The following DOCK4 variants were observed in gnomAD, a reference collection of about 807,000 sequenced individuals.
The protein encoded by DOCK4 is dedicator of cytokinesis protein 4.
A neutral mutation model predicts 268.1 loss-of-function variants in DOCK4; 97 were observed. The ratio of observed to expected loss-of-function variants is 0.36; its 90% confidence interval spans 0.31 to 0.43. The LOEUF (loss-of-function observed/expected upper bound fraction) is 0.43. DOCK4 is among the 20% of genes least tolerant of loss of function. The pLI is 1.00. For missense variants in DOCK4, 2,145 were observed against 2,455.7 expected (o/e 0.87, Z 2.67); for synonymous variants, 954 against 887.2 (o/e 1.08, Z -1.34).
At position 112,109,744 on chromosome 7, in the gene DOCK4, CTTTTT is replaced by C. The variant is rs36043991; in HGVS notation, c.37+96353_37+96357del. 6.7e-4 allele frequency among the ~76,000 whole-genome samples: 77 copies of C among 115,184 alleles called. 1 individual carries two copies. Among genetic ancestry groups the C allele is most frequent in the African/African-American group, 2.5e-3 (72 of 28,902 alleles). 75.6% of individuals were successfully genotyped at this position (115,184 alleles called of 152,430 possible). A position where few individuals can be genotyped will look rare whatever the true frequency, so the allele number is the denominator to read the frequency against. ...TTTTTTTAAGCTGCAGTAAAATCAT[CTTTTT>C]TTTTTTTTTTTTTGAGACGGAGTCT... On this transcript the variant is annotated intron_variant, in intron 1 of 52. Transcript: ENST00000428084.
intron 27 of DOCK4, among the ~76,000 whole-genome samples, chr7:111,813,684 A>AG: frequency 6.6e-6 from 1 of 152,222 alleles, no homozygotes; most frequent in Non-Finnish European, 1.5e-5. Context: ...AATGGCAGAT[A>AG]TCATCAGTGC....
chr7:111,832,816 C>T (rs1361560327), intron 26 of DOCK4, among the ~76,000 whole-genome samples: 5 of 152,160 alleles, frequency 3.3e-5, no homozygotes, highest in African/African-American at 4.8e-5. Flanking sequence ...CACGGCGCCC[C>T]GCCAGCCTCA....
intron 27 of DOCK4, among the ~76,000 whole-genome samples, chr7:111,812,316 G>A (rs1692034190): frequency 6.6e-6 from 1 of 152,182 alleles, no homozygotes; most frequent in Non-Finnish European, 1.5e-5. Context: ...GTCTTGCTCT[G>A]TTGTCCAGGC....
chr7:111,995,404 ATTCT>A (rs1586598843), intron 4 of DOCK4, among the ~76,000 whole-genome samples: 2 of 131,218 alleles, frequency 1.5e-5, no homozygotes, highest in African/African-American at 5.8e-5. Flanking sequence ...CTTTTTTCAA[ATTCT>A]TTCTTTGTGT....
intron 1 of DOCK4, among the ~76,000 whole-genome samples, chr7:112,058,493 T>C (rs552623079): frequency 6.6e-6 from 1 of 152,320 alleles, no homozygotes; most frequent in South Asian, 2.1e-4. Context: ...TCCAGCCCTC[T>C]CAAATGCTCA....
intron 1 of DOCK4, among the ~76,000 whole-genome samples, chr7:112,038,481 C>T (rs1211931069): frequency 6.6e-6 from 1 of 152,148 alleles, no homozygotes; most frequent in East Asian, 1.9e-4. Context: ...GTGACAAATA[C>T]TAATGTCACC....
intron 1 of DOCK4, among the ~76,000 whole-genome samples, chr7:112,026,758 G>T (rs1307252602): frequency 1.3e-5 from 2 of 152,070 alleles, no homozygotes; most frequent in African/African-American, 2.4e-5. Flanking sequence ...AGATTATATG[G>T]CCCCCAAAGC....
rs375694737 is a variant in DOCK4, at chr7:112,084,890, G to A, written c.38-80759C>T. Among the ~76,000 whole-genome samples, 11 of 152,090 alleles carry A rather than the reference G, an allele frequency of 7.2e-5. No homozygotes were observed. In the South Asian group the frequency reaches 1.0e-3, roughly 14 times the overall value. On this transcript the variant is annotated intron_variant, in intron 1 of 52. Transcript: ENST00000428084. ...GTTAACCACACAACTATTCCAAAAG[G>A]AAGGTATTATTACCATGTATGTGTA...
chr7:111,983,862 G>GCGCACACACACACACACACACACA, intron 7 of DOCK4, among the ~76,000 whole-genome samples: 13 of 138,562 alleles, frequency 9.4e-5, no homozygotes, highest in South Asian at 7.2e-4. Context: ...GCGCGCGCGC[G>GCGCACACACACACACACACACACA]CACACACACA....
At chr7:111,801,522 C>G (rs751105961) in intron 30 of DOCK4, among the ~76,000 whole-genome samples, 2 of 152,164 alleles carry the variant, frequency 1.3e-5, no homozygotes, top group Non-Finnish European at 2.9e-5. Flanking sequence ...AATCACTTTT[C>G]CATACCCATT....
At chr7:112,025,515 C>T (rs545627148) in intron 1 of DOCK4, among the ~76,000 whole-genome samples, 1 of 151,154 alleles carries the variant, frequency 6.6e-6, no homozygotes, top group South Asian at 2.1e-4. Context: ...GTGATAAGTT[C>T]CTTTTTCAGC....
At chr7:112,087,239 C>G (rs1809175877) in intron 1 of DOCK4, among the ~76,000 whole-genome samples, 1 of 152,106 alleles carries the variant, frequency 6.6e-6, no homozygotes, top group African/African-American at 2.4e-5. Context: ...TGTACACTTT[C>G]TTGACAACCC....
At chr7:111,925,763 A>G (rs530725426) in intron 12 of DOCK4, among the ~76,000 whole-genome samples, 2 of 152,166 alleles carry the variant, frequency 1.3e-5, no homozygotes, top group Non-Finnish European at 2.9e-5. Flanking sequence ...TCTTTTAGAT[A>G]TACTTTCAAA....
intron 1 of DOCK4, among the ~76,000 whole-genome samples, chr7:112,094,447 G>A (rs535311848): frequency 6.6e-6 from 1 of 152,262 alleles, no homozygotes; most frequent in South Asian, 2.1e-4. Flanking sequence ...AATCTCTAGT[G>A]GCTATCAGTA....
At chr7:111,856,327 TA>T (rs1411639041) in intron 23 of DOCK4, among the ~76,000 whole-genome samples, 2 of 152,236 alleles carry the variant, frequency 1.3e-5, no homozygotes, top group South Asian at 2.1e-4. Flanking sequence ...AACCCACAGT[TA>T]AAACCTAGGG....
At chr7:111,750,096 T>C (rs569246371) in intron 42 of DOCK4, among the ~76,000 whole-genome samples, 59 of 152,284 alleles carry the variant, frequency 3.9e-4, no homozygotes, top group African/African-American at 1.4e-3. Context: ...AAGGAGTCAT[T>C]GGAGAAATAG....
intron 1 of DOCK4, among the ~76,000 whole-genome samples, chr7:112,076,910 C>T (rs1287653950): frequency 6.6e-6 from 1 of 152,022 alleles, no homozygotes; most frequent in Non-Finnish European, 1.5e-5. Context: ...AGTATATTTT[C>T]CAATAGCATA....
At chr7:111,800,288 G>A (rs1426284014) in intron 30 of DOCK4, among the ~76,000 whole-genome samples, 2 of 150,174 alleles carry the variant, frequency 1.3e-5, no homozygotes, top group African/African-American at 4.9e-5. Flanking sequence ...GAACAAGTCA[G>A]AAAGTTTAAG....
At chr7:111,951,156 A>G (rs1796016920) in intron 8 of DOCK4, among the ~76,000 whole-genome samples, 1 of 152,222 alleles carries the variant, frequency 6.6e-6, no homozygotes, top group Admixed American at 6.5e-5. Context: ...ATTATTTATA[A>G]CCTTTCTTCT....
Sources: allele counts gnomAD v4.1 joint callset (sites outside exome capture counted in the v4.1 genomes callset), GRCh38; gene constraint gnomAD v4.1.1; transcripts MANE v1.5; gene names NCBI Gene and HGNC (gene_info 2026-07-23, HGNC 2026-07-21).